FAM117B: variants seen among roughly 807,000 people sequenced by gnomAD.
FAM117B encodes protein FAM117B.
A neutral mutation model predicts 52.8 loss-of-function variants in FAM117B; 22 were observed. The ratio of observed to expected loss-of-function variants is 0.42; its 90% CI spans 0.30 to 0.59. The LOEUF is 0.59. Among genes scored for constraint, FAM117B ranks in the 20% least tolerant of loss-of-function variants. The pLI is 0.22. For missense variants in FAM117B, 678 were observed against 802.6 expected (o/e 0.84, Z 1.88); for synonymous variants, 309 against 324.1 (o/e 0.95, Z 0.50).
chr2:202,650,037 T>A (rs1689934502), intron 1 of FAM117B, among the ~76,000 whole-genome samples: 1 of 152,068 alleles, frequency 6.6e-6, no homozygotes, highest in Non-Finnish European at 1.5e-5. Flanking sequence ...CTGGTTAATT[T>A]TTTTTTTTTG....
In FAM117B at chr2:202,715,169, C is replaced by A. The variant is rs1403153563; in HGVS notation, c.754-9748C>A. On this transcript the variant is annotated intron_variant, in intron 2 of 7. Transcript: ENST00000392238. ...GGCTGGCCGGGCAGGGGCTGACCCC[C>A]CACCTCCCTCCCGGACGGGTCGGCT... Among the ~76,000 whole-genome samples, 57 of 149,574 alleles carry A rather than the reference C, an allele frequency of 3.8e-4. 1 individual carries two copies. The highest frequency in any genetic ancestry group is 8.6e-4 in the Admixed American group (13 of 15,118).
rs1383939271 is a variant in FAM117B, at chr2:202,635,618, C to T, written c.431C>T (p.Pro144Leu). Reference protein sequence around the residue: ...RGSPPRPPPPPPLLGTVSSPS... With the variant: ...RGSPPRPPPPLPLLGTVSSPS... ...AGCCCCCCACGGCCGCCGCCGCCGC[C>T]GCCGCTGCTGGGCACCGTGTCGTCG... Residue 144 changes from proline (P) to leucine (L), a missense_variant, in exon 1 of 8, where the codon CCG becomes CTG. This residue lies in a region of FAM117B where 583 missense variants were observed against 644.8 expected (regional missense o/e 0.90). Coordinates refer to ENST00000392238, the MANE Select transcript of FAM117B (RefSeq NM_173511.4). 2.3e-6 allele frequency: 3 copies of T among 1,291,914 alleles called. No individual in the cohort carries two copies. The highest frequency in any genetic ancestry group is 2.4e-5 in the South Asian group (1 of 41,126). 80.0% of individuals were successfully genotyped at this position (1,291,914 alleles called of 1,614,324 possible).
At chr2:202,713,437 GA>G (rs1466128074) in intron 2 of FAM117B, among the ~76,000 whole-genome samples, 1 of 152,046 alleles carries the variant, frequency 6.6e-6, no homozygotes, top group Non-Finnish European at 1.5e-5. Context: ...TCTGGCTAAA[GA>G]TTTGTCAATT....
intron 1 of FAM117B, among the ~76,000 whole-genome samples, chr2:202,665,674 C>T (rs1322669119): frequency 2.6e-5 from 4 of 152,270 alleles, no homozygotes; most frequent in East Asian, 1.9e-4. Flanking sequence ...AATCTCGGCT[C>T]ACTGCAACTT....
At chr2:202,666,018 CACAA>C (rs1328640517) in intron 1 of FAM117B, among the ~76,000 whole-genome samples, 8 of 152,294 alleles carry the variant, frequency 5.3e-5, no homozygotes, top group East Asian at 1.9e-4. Context: ...ATATTACAAA[CACAA>C]ACAAATAGCT....
rs532739966 is a variant in FAM117B at position 202,721,773 on chromosome 2, A to G, written c.754-3144A>G. On this transcript the variant is annotated intron_variant, in intron 2 of 7. Coordinates refer to ENST00000392238, the MANE Select transcript of FAM117B (RefSeq NM_173511.4). ...CTCAGCCTTTCAAGTAGCTAGGACT[A>G]CAGTCGTGAGTCATGAGGCCCAGCT... Among the ~76,000 whole-genome samples, 220 of 152,146 alleles carry G rather than the reference A, an allele frequency of 1.4e-3. 2 individuals are homozygous for G. The highest frequency in any genetic ancestry group is 3.0e-3 in the Non-Finnish European group (206 of 67,998).
At chr2:202,700,761 G>C (rs114228281) in intron 2 of FAM117B, among the ~76,000 whole-genome samples, 1 of 150,452 alleles carries the variant, frequency 6.6e-6, no homozygotes, top group East Asian at 1.9e-4. Flanking sequence ...GTCATAGCTC[G>C]GTACAACCTT....
At chr2:202,724,644 C>G (rs900954253) in intron 2 of FAM117B, among the ~76,000 whole-genome samples, 3 of 152,006 alleles carry the variant, frequency 2.0e-5, no homozygotes, top group Non-Finnish European at 2.9e-5. Flanking sequence ...ATATAGTTAA[C>G]TTTGTTCCAT....
At chr2:202,671,127 G>T (rs1049211252) in intron 1 of FAM117B, among the ~76,000 whole-genome samples, 10 of 152,196 alleles carry the variant, frequency 6.6e-5, no homozygotes, top group Admixed American at 5.9e-4. Flanking sequence ...GTATTGACAG[G>T]AAGGTTGTAG....
intron 4 of FAM117B, among the ~76,000 whole-genome samples, chr2:202,731,576 A>G (rs1282569490): frequency 6.7e-6 from 1 of 148,184 alleles, no homozygotes; most frequent in Non-Finnish European, 1.5e-5. Context: ...GATTACAGGC[A>G]CCTACCACCA....
chr2:202,718,369 T>C (rs1691090517), intron 2 of FAM117B, among the ~76,000 whole-genome samples: 1 of 152,208 alleles, frequency 6.6e-6, no homozygotes, highest in South Asian at 2.1e-4. Flanking sequence ...TTTTATTTTA[T>C]TATGTTGAGA....
rs75877480 is a variant in FAM117B at position 202,757,927 on chromosome 2, A to G, written c.1330+489A>G. ...AGCCTGATGTAAAACGTTGGAGGGT[A>G]CTTTTAAAAATAACCTTAAAATACC... is the stretch of plus-strand genomic sequence containing the variant. On this transcript the variant is annotated intron_variant, in intron 6 of 7. Coordinates refer to ENST00000392238, the MANE Select transcript of FAM117B (RefSeq NM_173511.4). Among the ~76,000 whole-genome samples, 1,281 of 152,332 alleles carry G rather than the reference A, an allele frequency of 8.4e-3. 14 individuals are homozygous for G. The highest frequency in any genetic ancestry group is 0.029 in the African/African-American group (1,201 of 41,566).
intron 1 of FAM117B, among the ~76,000 whole-genome samples, chr2:202,684,928 T>C (rs930304607): frequency 6.6e-6 from 1 of 152,164 alleles, no homozygotes; most frequent in Non-Finnish European, 1.5e-5. Context: ...GAATGGGCTA[T>C]ATATCTGTTA....
intron 1 of FAM117B, among the ~76,000 whole-genome samples, chr2:202,645,590 C>A (rs1174719947): frequency 7.0e-6 from 1 of 143,520 alleles, no homozygotes; most frequent in Non-Finnish European, 1.5e-5. Flanking sequence ...CGCCCGGCAG[C>A]CTGTTTTTAT....
intron 1 of FAM117B, among the ~76,000 whole-genome samples, chr2:202,688,968 A>C (rs1284385414): frequency 6.6e-6 from 1 of 152,240 alleles, no homozygotes; most frequent in Non-Finnish European, 1.5e-5. Context: ...ATAATGTACA[A>C]GTATTAAACA....
At chr2:202,745,152 C>T (rs1461716217) in intron 4 of FAM117B, among the ~76,000 whole-genome samples, 17 of 150,606 alleles carry the variant, frequency 1.1e-4, no homozygotes, top group Admixed American at 1.1e-3. Context: ...TGGTGGTGCA[C>T]TCCTGTAGTC....
intron 7 of FAM117B, among the ~76,000 whole-genome samples, chr2:202,759,726 T>A (rs1691856269): frequency 6.6e-6 from 1 of 151,826 alleles, no homozygotes; most frequent in Non-Finnish European, 1.5e-5. Flanking sequence ...CCCGGCTAAT[T>A]TTTTGTATTT....
Position 202,757,420 on chromosome 2 carries a change from G to A in FAM117B, c.1312G>A (p.Val438Ile). Residue 438 changes from valine (V) to isoleucine (I), a missense_variant, in exon 6 of 8, where the codon GTT becomes ATT. By Grantham distance (29) the Val-to-Ile change is conservative. Coordinates refer to ENST00000392238, the MANE Select transcript of FAM117B (RefSeq NM_173511.4). ...TCCTTGCTCAGCGGATGACCTGCTT[G>A]TTGATCCCAGAGATAAAGGTACAGT... is the stretch of plus-strand genomic sequence containing the variant. ...ESPCSADDLL[V>I]DPRDKENGNN... 6.2e-7 allele frequency: 1 copy of A among 1,614,020 alleles called. No individual in the cohort carries two copies. The highest frequency in any genetic ancestry group is 8.5e-7 in the Non-Finnish European group (1 of 1,179,992).
intron 1 of FAM117B, among the ~76,000 whole-genome samples, chr2:202,666,581 TG>T (rs556906275): frequency 4.3e-4 from 65 of 151,842 alleles, no homozygotes; most frequent in African/African-American, 1.5e-3. Flanking sequence ...GGGTGGGATG[TG>T]GGGGTATGTT....
Sources: gnomAD v4.1 joint callset for allele counts (sites outside exome capture counted in the v4.1 genomes callset) on GRCh38, gnomAD v4.1.1 for gene constraint, gnomAD v4.1.1 regional missense constraint, MANE v1.5 for transcripts, NCBI Gene and HGNC (gene_info 2026-07-23, HGNC 2026-07-21) for gene names.